The following LYRM1 variants were observed in gnomAD, a reference collection of about 807,000 sequenced individuals.
LYRM1 encodes LYR motif containing 1, also known as LYR motif-containing protein 1.
Under a neutral mutation model 14.9 loss-of-function variants are expected in LYRM1, and 14 were observed. The observed-to-expected ratio is 0.94, with a 90% CI of 0.62 to 1.47. The LOEUF is 1.47. LYRM1 is among the 40% of genes most tolerant of loss of function. LYRM1 has a pLI of 0.00. For synonymous variants in LYRM1, 43 were observed against 56.2 expected (o/e 0.77, Z 1.05); for missense variants, 153 against 149.9 (o/e 1.02, Z -0.11).
chr16:20,923,552 C>T (rs781649789), intron 3 of LYRM1, among the ~76,000 whole-genome samples: 10 of 150,782 alleles, frequency 6.6e-5, no homozygotes, highest in Non-Finnish European at 1.3e-4. Flanking sequence ...CATAATTTAA[C>T]CAGCCCCTCT....
chr16:20,924,273 A>G lies in LYRM1; in HGVS notation c.*157A>G, dbSNP rs2083353957. 1.7e-6 allele frequency: 1 copy of G among 578,618 alleles called. No individual in the cohort carries two copies. Among genetic ancestry groups the G allele is most frequent in the Non-Finnish European group, 3.1e-6 (1 of 322,810 alleles). 35.8% of individuals were successfully genotyped at this position (578,618 alleles called of 1,614,324 possible). Reference sequence around the variant, plus strand: ...CTGTGATGTAAACTTAGATATCCCTAGAGTTTCTCAGCATCTTTCTTCCTG... The same window carrying G: ...CTGTGATGTAAACTTAGATATCCCTGGAGTTTCTCAGCATCTTTCTTCCTG... On this transcript the variant is annotated 3_prime_UTR_variant, in exon 4 of 4. Transcript: ENST00000567954.
intron 3 of LYRM1, among the ~76,000 whole-genome samples, chr16:20,922,487 G>GT (rs1002240510): frequency 4.7e-4 from 71 of 151,918 alleles, no homozygotes; most frequent in African/African-American, 1.6e-3. Context: ...CCTGAAAGGA[G>GT]TTTTTTTGGT....
intron 1 of LYRM1, among the ~76,000 whole-genome samples, chr16:20,905,860 C>T (rs1258405674): frequency 2.0e-5 from 3 of 152,272 alleles, no homozygotes; most frequent in East Asian, 3.9e-4. Context: ...TTGAAAGCAT[C>T]CTAGTAAGGG....
Position 20,915,555 on chromosome 16 carries a change from G to C in LYRM1, c.1-1G>C. ...CCTCTTCTATTTTGGTGGGTCTGAA[G>C]ATGACAACGGCAACACGACAAGAAG... On this transcript the variant is annotated splice_acceptor_variant, in intron 1 of 3. Transcript: ENST00000567954. LOFTEE classifies it low-confidence loss of function (5UTR_SPLICE). The C allele has an allele frequency of 6.2e-7, 1 of 1,613,490 alleles. No individual in the cohort carries two copies. The highest frequency in any genetic ancestry group is 1.1e-5 in the South Asian group (1 of 91,074).
intron 1 of LYRM1, 23 bp from the exon 2 acceptor site, chr16:20,915,533 C>G (rs772619056): frequency 3.7e-6 from 6 of 1,603,010 alleles, no homozygotes; most frequent in Non-Finnish European, 5.1e-6. Flanking sequence ...AATTTTCCCT[C>G]TTCTATTTTG....
Position 20,915,733 on chromosome 16 carries a change from G to A in LYRM1, c.159+19G>A. 2 of 1,612,358 alleles carry A rather than the reference G, an allele frequency of 1.2e-6. No homozygotes were observed. The highest frequency in any genetic ancestry group is 1.7e-6 in the Non-Finnish European group (2 of 1,178,746). ...CAAAAATGTAAGTAGGCCCCACTTG[G>A]AGATTGTGCAGAGGAGAGTTGTTCC... On this transcript the variant is annotated intron_variant, in intron 2 of 3. Coordinates refer to ENST00000567954, the MANE Select transcript of LYRM1 (RefSeq NM_001128302.3).
chr16:20,924,331 C>A lies in LYRM1; in HGVS notation c.*215C>A. On this transcript the variant is annotated 3_prime_UTR_variant, in exon 4 of 4. Coordinates refer to ENST00000567954, the MANE Select transcript of LYRM1 (RefSeq NM_001128302.3). ...GGCATTATCCCTAGAGGTCATGGAC[C>A]TTACATCCTCACTGCAGTCACCTTT... 2.2e-6 allele frequency: 1 copy of A among 450,734 alleles called. No homozygotes were observed. The highest frequency in any genetic ancestry group is 4.0e-6 in the Non-Finnish European group (1 of 251,168). 27.9% of individuals were successfully genotyped at this position (450,734 alleles called of 1,614,324 possible).
intron 3 of LYRM1, chr16:20,921,748 G>GA (rs2083203078): frequency 6.7e-6 from 1 of 150,228 alleles, no homozygotes; most frequent in South Asian, 2.1e-4. Flanking sequence ...TCATTGTGCA[G>GA]AGGGTGAACA....
intron 1 of LYRM1, among the ~76,000 whole-genome samples, chr16:20,903,071 C>G (rs542376282): frequency 6.6e-5 from 10 of 152,328 alleles, no homozygotes; most frequent in African/African-American, 2.4e-4. Flanking sequence ...AAGCTCTTCT[C>G]TCTGAGCTGA....
At chr16:20,915,995 AGAG>A (rs1358961335) in intron 2 of LYRM1, among the ~76,000 whole-genome samples, 1 of 152,206 alleles carries the variant, frequency 6.6e-6, no homozygotes, top group East Asian at 1.9e-4. Flanking sequence ...ATGAGTTTTC[AGAG>A]GAGGAGCCAG....
At chr16:20,916,360 G>T (rs958750767) in intron 2 of LYRM1, among the ~76,000 whole-genome samples, 3 of 152,008 alleles carry the variant, frequency 2.0e-5, no homozygotes, top group Non-Finnish European at 4.4e-5. Flanking sequence ...AAGACCTCCC[G>T]GCACTAAGCA....
intron 1 of LYRM1, among the ~76,000 whole-genome samples, chr16:20,910,792 C>A (rs190440397): frequency 0.011 from 1,729 of 151,980 alleles, 38 homozygotes; most frequent in African/African-American, 0.04. Flanking sequence ...AAAACAACAA[C>A]AACAAAAAAC....
rs1420341777 is a variant in LYRM1, at chr16:20,901,509, A to G, written c.-1+620A>G. ...CACGGTTTTGCGGGGATCCGAGACAATGGGTTTTCTGGGTGGAGAGAAGAG... is the reference window on the plus strand; with the variant it reads ...CACGGTTTTGCGGGGATCCGAGACAGTGGGTTTTCTGGGTGGAGAGAAGAG... On this transcript the variant is annotated intron_variant, in intron 1 of 3. Coordinates refer to ENST00000567954, the MANE Select transcript of LYRM1 (RefSeq NM_001128302.3). This position sits in a 1 kb window ranked among gnomAD's most constrained non-coding sequence, Gnocchi z 4.6. Among the ~76,000 whole-genome samples, 2 of 152,150 alleles carry G rather than the reference A, an allele frequency of 1.3e-5. No individual in the cohort carries two copies. Among genetic ancestry groups the G allele is most frequent in the African/African-American group, 4.8e-5 (2 of 41,442 alleles).
chr16:20,918,605 T>C (rs2083029145), intron 2 of LYRM1, among the ~76,000 whole-genome samples: 3 of 152,204 alleles, frequency 2.0e-5, no homozygotes, highest in Non-Finnish European at 2.9e-5. Context: ...CTTGTTCAGA[T>C]AGACAGCTGA....
Position 20,923,557 on chromosome 16 carries a change from C to G in LYRM1, c.253-443C>G, listed in dbSNP as rs114176994. ...CCATCCCAGCCATAATTTAACCAGC[C>G]CCTCTCTTGCTAGGCAGTTAGTTTG... On this transcript the variant is annotated intron_variant, in intron 3 of 3. Transcript: ENST00000567954. Among the ~76,000 whole-genome samples, 1,406 of 151,920 alleles carry G rather than the reference C, an allele frequency of 9.3e-3. 36 individuals are homozygous for G. The highest frequency in any genetic ancestry group is 0.032 in the African/African-American group (1,331 of 41,424).
intron 1 of LYRM1, chr16:20,911,048 T>C (rs2082567869): frequency 6.6e-6 from 1 of 152,234 alleles, no homozygotes; most frequent in African/African-American, 2.4e-5. Flanking sequence ...TCTGGGTTTT[T>C]ATTACAATAA....
upstream of LYRM1, chr16:20,900,220 C>T (rs928253052): frequency 6.9e-6 from 1 of 145,926 alleles, no homozygotes; most frequent in African/African-American, 2.5e-5. Flanking sequence ...TCCAGAGGTT[C>T]CTCCAGTCAA....
At chr16:20,903,220 T>C (rs1239085058) in intron 1 of LYRM1, among the ~76,000 whole-genome samples, 1 of 152,258 alleles carries the variant, frequency 6.6e-6, no homozygotes, top group Admixed American at 6.5e-5. Context: ...AAATCCAGAC[T>C]TTGGGCTTCA....
chr16:20,920,006 T>TGCTTTTG, intron 2 of LYRM1, 116 bp from the exon 3 acceptor site: 1 of 561,992 alleles, frequency 1.8e-6, no homozygotes, highest in Non-Finnish European at 3.0e-6. Context: ...TTTTCCAAAT[T>TGCTTTTG]AGTAACATTT....
Sources: gnomAD v4.1 joint callset for allele counts (sites outside exome capture counted in the v4.1 genomes callset) on GRCh38, gnomAD v4.1.1 for gene constraint, Gnocchi (gnomAD v3.1) non-coding constraint, MANE v1.5 for transcripts, NCBI Gene and HGNC (gene_info 2026-07-23, HGNC 2026-07-21) for gene names.